DDX1: variants seen among roughly 807,000 people sequenced by gnomAD.
DDX1 encodes the protein DEAD-box helicase 1.
A neutral mutation model predicts 108.7 loss-of-function variants in DDX1; 28 were observed. The ratio of observed to expected loss-of-function variants is 0.26; its 90% confidence interval spans 0.19 to 0.35. The LOEUF is 0.35. Among genes scored for constraint, DDX1 ranks in the 10% least tolerant of loss-of-function variants. The pLI, the probability that DDX1 is intolerant of heterozygous loss-of-function variation, is 1.00. For missense variants in DDX1, 710 were observed against 884.5 expected (o/e 0.80, Z 2.50); for synonymous variants, 295 against 288.9 (o/e 1.02, Z -0.21).
rs569239623 is a variant in DDX1, at chr2:15,626,953, G to A, written c.1595-101G>A. The A allele has an allele frequency of 1.2e-4, 78 of 648,742 alleles. No homozygotes were observed. The South Asian group carries it at 1.7e-3, about 14-fold the overall frequency. The allele number at this position is 648,742 out of a possible 1,614,324, so 40.2% of individuals were successfully genotyped here. A position where few individuals can be genotyped will look rare whatever the true frequency, so the allele number is the denominator to read the frequency against. ...GCAAGTTGGGGCATAGATTTTTATG[G>A]AATTGTGTGGCACTATTGTAGTCTG... On this transcript the variant is annotated intron_variant, in intron 19 of 25. Coordinates refer to ENST00000233084, the MANE Select transcript of DDX1 (RefSeq NM_004939.3).
Position 15,591,968 on chromosome 2 carries a change from T to C in DDX1, c.16+19T>C. 1 of 1,404,510 alleles carries C rather than the reference T, an allele frequency of 7.1e-7. No individual in the cohort carries two copies. Among genetic ancestry groups the C allele is most frequent in the East Asian group, 3.1e-5 (1 of 32,636 alleles). The allele number at this position is 1,404,510 out of a possible 1,614,324, so 87.0% of individuals were successfully genotyped here. ...TTCTCCGGTGCGTTTGTGGAAACTC[T>C]GGGGGTGGTGGGGCGGCTTGTTGCA... On this transcript the variant is annotated intron_variant, in intron 1 of 25. Transcript: ENST00000233084.
rs1665676598 is a variant in DDX1 at position 15,607,190 on chromosome 2, CACAA to C, written c.839_842del (p.Thr280SerfsTer18). On this transcript the variant is annotated frameshift_variant, in exon 13 of 26. Coordinates refer to ENST00000233084, the MANE Select transcript of DDX1 (RefSeq NM_004939.3). LOFTEE classifies it high-confidence loss of function. The stretch of plus-strand genomic sequence containing the variant: ...ATTCCCTAAGGTAATGCACAGGTGA[CACAA>C]ACAAAGTTTCTCCCCAATGCTCCGA... 2 of 1,613,854 alleles carry C rather than the reference CACAA, an allele frequency of 1.2e-6. No individual in the cohort carries two copies. The highest frequency in any genetic ancestry group is 1.1e-5 in the South Asian group (1 of 91,062).
chr2:15,620,494 G>T (rs766341152), intron 17 of DDX1, 98 bp downstream of exon 17: 2 of 908,278 alleles, frequency 2.2e-6, no homozygotes, highest in Non-Finnish European at 1.6e-6. Flanking sequence ...ATCAGTTATT[G>T]TATCAAAGAA....
At chr2:15,606,314 T>A (rs1665661540) in intron 12 of DDX1, 50 bp downstream of exon 12, 1 of 1,346,246 alleles carries the variant, frequency 7.4e-7, no homozygotes, top group Non-Finnish European at 1.1e-6. Flanking sequence ...GAATAATTGA[T>A]GAGAACTCCA....
At chr2:15,615,659 G>A (rs778774248) in intron 14 of DDX1, among the ~76,000 whole-genome samples, 48 of 152,212 alleles carry the variant, frequency 3.2e-4, no homozygotes, top group Non-Finnish European at 5.3e-4. Flanking sequence ...CTGTTTATTC[G>A]AGGGGTGAGA....
chr2:15,625,893 CAT>C (rs1491350047), intron 19 of DDX1, among the ~76,000 whole-genome samples: 2 of 138,670 alleles, frequency 1.4e-5, no homozygotes, highest in Non-Finnish European at 3.0e-5. Context: ...TTAAGTAACA[CAT>C]TTTTTTTTTC....
chr2:15,626,534 C>G (rs1666103138), intron 19 of DDX1, among the ~76,000 whole-genome samples: 1 of 152,040 alleles, frequency 6.6e-6, no homozygotes, highest in Admixed American at 6.6e-5. Context: ...CTGCACTTGC[C>G]TCTAAAATAA....
Position 15,595,539 on chromosome 2 carries a change from G to A in DDX1, c.118G>A (p.Gly40Ser). 6.2e-7 allele frequency: 1 copy of A among 1,608,900 alleles called. No individual in the cohort carries two copies. The highest frequency in any genetic ancestry group is 8.5e-7 in the Non-Finnish European group (1 of 1,175,276). The change falls in exon 3 of 26, where the codon GGT (glycine) becomes AGT (serine). Residue 40 changes from glycine to serine, a missense_variant. Physicochemically the swap from Gly to Ser is moderately conservative, Grantham distance 56 (BLOSUM62 0). This residue lies in a region of DDX1 where 48 missense variants were observed against 57.5 expected (regional missense o/e 0.83). Transcript: ENST00000233084. The part of the protein sequence containing the change: ...AESIPLILGG[G>S]DVLMAAETGS... ...ATCTATCCCATTGATCTTAGGAGGA[G>A]GTGATGTACTTATGGTAAGTTTAAA...
At chr2:15,600,811 C>T (rs1029219463) in intron 6 of DDX1, among the ~76,000 whole-genome samples, 3 of 130,786 alleles carry the variant, frequency 2.3e-5, no homozygotes, top group African/African-American at 5.9e-5. Context: ...TGCAGTGGCG[C>T]GATCTCAGCT....
At chr2:15,618,937 G>A (rs971194301) in intron 16 of DDX1, among the ~76,000 whole-genome samples, 2 of 152,226 alleles carry the variant, frequency 1.3e-5, no homozygotes, top group African/African-American at 4.8e-5. Flanking sequence ...TGATCAGAGT[G>A]GGTGTTGACA....
In DDX1 at chr2:15,618,254, A is replaced by T; in HGVS notation, c.1190A>T (p.Asp397Val). The change falls in exon 16 of 26, where the codon GAT becomes GTT. Residue 397 changes from aspartate to valine, a missense_variant. Transcript: ENST00000233084. ...AATCAGATTCCTCAGGTTACCTCTG[A>T]TGGAAAAAGACTTCAGGTATAAAAT... ...MHNQIPQVTS[D>V]GKRLQVIVCS... is the part of the protein sequence containing the mutation. 1 of 1,565,284 alleles carries T rather than the reference A, an allele frequency of 6.4e-7. No individual in the cohort carries two copies. Among genetic ancestry groups the T allele is most frequent in the Non-Finnish European group, 8.8e-7 (1 of 1,140,546 alleles).
At chr2:15,612,679 G>A (rs1011069342) in intron 13 of DDX1, among the ~76,000 whole-genome samples, 9 of 151,912 alleles carry the variant, frequency 5.9e-5, no homozygotes, top group Non-Finnish European at 1.3e-4. Flanking sequence ...AGGTTGTAGC[G>A]AGCCGAGATC....
At chr2:15,607,746 G>A (rs1209186177) in intron 13 of DDX1, among the ~76,000 whole-genome samples, 1 of 151,998 alleles carries the variant, frequency 6.6e-6, no homozygotes. Flanking sequence ...GTAGAGATAG[G>A]GTTTCACTAT....
intron 14 of DDX1, among the ~76,000 whole-genome samples, chr2:15,615,902 T>G (rs1665885747): frequency 6.6e-6 from 1 of 152,120 alleles, no homozygotes; most frequent in Non-Finnish European, 1.5e-5. Context: ...ATTTATTTAT[T>G]TATTTTTGGA....
chr2:15,612,077 G>GA (rs1665776857), intron 13 of DDX1, among the ~76,000 whole-genome samples: 1 of 2,404 alleles, frequency 4.2e-4, no homozygotes, highest in Non-Finnish European at 1.1e-3. Flanking sequence ...GGGGGCGGCT[G>GA]GCTGGCGGGG....
rs137946800 is a variant in DDX1, at chr2:15,604,491, G to A, written c.607G>A (p.Val203Ile). The change falls in exon 10 of 26, where the codon GTC becomes ATC. Residue 203 changes from valine to isoleucine, a missense_variant. Coordinates refer to ENST00000233084, the MANE Select transcript of DDX1 (RefSeq NM_004939.3). ...GCYLDIDKGH[V>I]KFSKNGKDLG... is the part of the protein sequence containing the mutation. The stretch of plus-strand genomic sequence containing the variant: ...TTACCTGGATATAGATAAGGGACAT[G>A]TCAAGTTCTCCAAAAATGGTAAGCT... 6.2e-7 allele frequency: 1 copy of A among 1,606,998 alleles called. No individual in the cohort carries two copies. Among genetic ancestry groups the A allele is most frequent in the Admixed American group, 1.7e-5 (1 of 59,988 alleles).
chr2:15,613,950 C>G (rs1479555383), intron 14 of DDX1, among the ~76,000 whole-genome samples: 1 of 151,512 alleles, frequency 6.6e-6, no homozygotes, highest in African/African-American at 2.4e-5. Flanking sequence ...AGTTCTCCTG[C>G]CTCAGCCTCC....
intron 19 of DDX1, among the ~76,000 whole-genome samples, chr2:15,625,471 G>C (rs941746364): frequency 6.6e-6 from 1 of 152,104 alleles, no homozygotes; most frequent in South Asian, 2.1e-4. Flanking sequence ...TTGAATTCTA[G>C]TTAATTATAT....
rs1398906077 is a variant in DDX1 at position 15,630,997 on chromosome 2, A to G, written c.*91A>G. 2.9e-5 allele frequency: 38 copies of G among 1,289,450 alleles called. No homozygotes were observed. The highest frequency in any genetic ancestry group is 3.2e-6 in the Non-Finnish European group (3 of 926,226). 79.9% of individuals were successfully genotyped at this position (1,289,450 alleles called of 1,614,324 possible). On this transcript the variant is annotated 3_prime_UTR_variant, in exon 26 of 26. Transcript: ENST00000233084. ...GTACTGCTTCCAAGCAGCAGTATTT[A>G]TAGTAACGTAAGCTATTAATGCTAA... is the stretch of plus-strand genomic sequence containing the variant.
Sources: allele counts gnomAD v4.1 joint callset (sites outside exome capture counted in the v4.1 genomes callset), GRCh38; gene constraint gnomAD v4.1.1; regional missense constraint gnomAD v4.1.1; transcripts MANE v1.5; gene names NCBI Gene and HGNC (gene_info 2026-07-23, HGNC 2026-07-21).